The following WDR20 variants were observed in gnomAD, a reference collection of about 807,000 sequenced individuals.
The protein encoded by WDR20 is WD repeat-containing protein 20.
A neutral mutation model predicts 38.7 loss-of-function variants in WDR20; 3 were observed. The observed-to-expected ratio is 0.08, with a 90% CI of 0.04 to 0.20. WDR20 has a LOEUF of 0.20. Among genes scored for constraint, WDR20 ranks in the 10% least tolerant of loss-of-function variants. WDR20 has a pLI of 1.00. For synonymous variants in WDR20, 298 were observed against 285.6 expected (o/e 1.04, Z -0.44); for missense variants, 559 against 727.7 (o/e 0.77, Z 2.67).
chr14:102,169,397 TACTGACTAGTCCC>T (rs1206896506), intron 1 of WDR20, among the ~76,000 whole-genome samples: 1 of 152,214 alleles, frequency 6.6e-6, no homozygotes, highest in East Asian at 1.9e-4. Flanking sequence ...GTTGCCTGCT[TACTGACTAGTCCC>T]ACCTAAAATC....
chr14:102,200,457 A>ATTTTTTTTTTTT (rs746438768), intron 2 of WDR20, among the ~76,000 whole-genome samples: 1 of 110,996 alleles, frequency 9.0e-6, no homozygotes, highest in Admixed American at 8.5e-5. Context: ...TACTTTTTAA[A>ATTTTTTTTTTTT]TTTTTTTTTT....
chr14:102,160,150 CTATCTGTTT>C (rs1021873860), intron 1 of WDR20, among the ~76,000 whole-genome samples: 2 of 146,406 alleles, frequency 1.4e-5, no homozygotes, highest in African/African-American at 5.4e-5. Flanking sequence ...TTTCTTCTTG[CTATCTGTTT>C]TAAGTGTACA....
At chr14:102,156,553 A>G (rs2057436744) in intron 1 of WDR20, among the ~76,000 whole-genome samples, 1 of 151,914 alleles carries the variant, frequency 6.6e-6, no homozygotes, top group Non-Finnish European at 1.5e-5. Context: ...ACTTTAATGT[A>G]GAATTTTTTT....
chr14:102,184,211 A>G (rs1357879167), intron 1 of WDR20, among the ~76,000 whole-genome samples: 1 of 152,234 alleles, frequency 6.6e-6, no homozygotes, highest in African/African-American at 2.4e-5. Flanking sequence ...TGAAGAAATC[A>G]GTATTTCATT....
intron 1 of WDR20, among the ~76,000 whole-genome samples, chr14:102,150,427 T>C (rs1360903533): frequency 2.6e-5 from 4 of 152,152 alleles, no homozygotes; most frequent in African/African-American, 4.8e-5. Flanking sequence ...GCACTGTGAT[T>C]GAGCCACTGC....
At chr14:102,216,807 G>A (rs1384301448), downstream of WDR20, among the ~76,000 whole-genome samples, 1 of 152,154 alleles carries the variant, frequency 6.6e-6, no homozygotes, top group Non-Finnish European at 1.5e-5. Context: ...GCGGGCGCCT[G>A]TAGTCCCAGC....
At chr14:102,147,567 A>G (rs1202488095) in intron 1 of WDR20, among the ~76,000 whole-genome samples, 6 of 152,222 alleles carry the variant, frequency 3.9e-5, no homozygotes, top group Non-Finnish European at 7.3e-5. Context: ...CCCTCAAGAA[A>G]TGTGTCACTT....
intron 1 of WDR20, among the ~76,000 whole-genome samples, chr14:102,156,465 G>T (rs1374931651): frequency 2.6e-5 from 4 of 152,024 alleles, no homozygotes; most frequent in African/African-American, 9.7e-5. Context: ...ACTGCGCCTG[G>T]CCCCATTAGA....
downstream of WDR20, chr14:102,210,621 G>A (rs557659503): frequency 2.5e-5 from 21 of 842,692 alleles, no homozygotes; most frequent in Non-Finnish European, 2.7e-5. Flanking sequence ...GGCCGAGGAC[G>A]CCAACAGCAT....
At chr14:102,183,203 G>A (rs577273307) in intron 1 of WDR20, among the ~76,000 whole-genome samples, 6 of 152,310 alleles carry the variant, frequency 3.9e-5, no homozygotes, top group South Asian at 2.1e-4. Flanking sequence ...TTGAACTTCC[G>A]ATGAAGGCGA....
At chr14:102,147,679 T>C (rs1423974193) in intron 1 of WDR20, among the ~76,000 whole-genome samples, 1 of 152,194 alleles carries the variant, frequency 6.6e-6, no homozygotes, top group African/African-American at 2.4e-5. Context: ...GTGGATTTTG[T>C]CACTGAGTGG....
At chr14:102,214,815 A>C (rs542066154), downstream of WDR20, 1 of 981,150 alleles carries the variant, frequency 1.0e-6, no homozygotes, top group Admixed American at 6.1e-5. Context: ...TAATTAATGA[A>C]ACTTTAGTAT....
In WDR20 at chr14:102,222,055, C is replaced by T. The variant is rs2063952595; in HGVS notation, c.1693-775C>T. Among the ~76,000 whole-genome samples the T allele has an allele frequency of 6.6e-6, 1 of 152,202 alleles. No homozygotes were observed. On this transcript the variant is annotated intron_variant, in intron 3 of 3. Coordinates refer to the WDR20 transcript ENST00000335263. The surrounding 1 kb of genome is among the most constrained non-coding windows in gnomAD (Gnocchi z 4.4). The stretch of plus-strand genomic sequence containing the variant: ...ACCCTCTTAGGTTTACCCAAGGTCA[C>T]ACCAGTATTGTAAAATCTGGGTGAG...
chr14:102,224,377 G>A (rs989187069), downstream of WDR20: 1 of 352,720 alleles, frequency 2.8e-6, no homozygotes, highest in East Asian at 7.6e-5. Flanking sequence ...AAACCAGCTC[G>A]TGAGCATCTG....
intron 1 of WDR20, among the ~76,000 whole-genome samples, chr14:102,168,046 A>G (rs2060096451): frequency 6.6e-6 from 1 of 152,172 alleles, no homozygotes; most frequent in South Asian, 2.1e-4. Context: ...GACATGATAT[A>G]TTTAAAGAAC....
chr14:102,219,776 CTGCCATCA>C (rs1244578346), downstream of WDR20, among the ~76,000 whole-genome samples: 2 of 152,240 alleles, frequency 1.3e-5, no homozygotes, highest in Non-Finnish European at 2.9e-5. Context: ...TTAACCAGGG[CTGCCATCA>C]AAAGGGCGAA....
chr14:102,174,761 T>G (rs1200472649), intron 1 of WDR20, among the ~76,000 whole-genome samples: 1 of 152,196 alleles, frequency 6.6e-6, no homozygotes, highest in Non-Finnish European at 1.5e-5. Context: ...GGAGTAAGGT[T>G]GTATCATATT....
chr14:102,163,865 T>C (rs1480534465), intron 1 of WDR20, among the ~76,000 whole-genome samples: 1 of 152,136 alleles, frequency 6.6e-6, no homozygotes, highest in Non-Finnish European at 1.5e-5. Context: ...AGCAGGTGGC[T>C]TTGCTGCTGT....
intron 2 of WDR20, among the ~76,000 whole-genome samples, chr14:102,205,394 G>A (rs1235242085): frequency 1.3e-5 from 2 of 152,204 alleles, no homozygotes; most frequent in African/African-American, 4.8e-5. Flanking sequence ...ACACTCTGGA[G>A]AGAGAAATGA....
Sources: allele counts gnomAD v4.1 joint callset (sites outside exome capture counted in the v4.1 genomes callset), GRCh38; gene constraint gnomAD v4.1.1; non-coding constraint Gnocchi (gnomAD v3.1); transcripts MANE v1.5; gene names NCBI Gene and HGNC (gene_info 2026-07-23, HGNC 2026-07-21).